The following TNRC18 variants were observed in gnomAD, a reference collection of about 807,000 sequenced individuals.
TNRC18 encodes the protein trinucleotide repeat-containing gene 18 protein.
TNRC18 carries 69 observed loss-of-function variants against 226.7 expected under a neutral mutation model. The ratio of observed to expected loss-of-function variants is 0.30; its 90% CI spans 0.25 to 0.37. The LOEUF is 0.37. Among genes scored for constraint, TNRC18 ranks in the 10% least tolerant of loss-of-function variants. TNRC18 has a pLI of 1.00. For synonymous variants in TNRC18, 2,449 were observed against 1,927.6 expected, an observed-to-expected ratio of 1.27 and a Z score of -7.09; for missense variants, 4,754 against 4,256.6, an observed-to-expected ratio of 1.12 and a Z score of -3.25.
chr7:5,310,030 G>A (rs902012991), intron 27 of TNRC18, among the ~76,000 whole-genome samples: 5 of 151,810 alleles, frequency 3.3e-5, no homozygotes, highest in African/African-American at 9.7e-5. Context: ...CTCCTCCCTC[G>A]GCCGCCTGAG....
intron 11 of TNRC18, among the ~76,000 whole-genome samples, chr7:5,368,298 C>A (rs1793809677): frequency 1.4e-5 from 2 of 144,536 alleles, no homozygotes; most frequent in South Asian, 4.6e-4. Flanking sequence ...GAAACCCCAT[C>A]TCTACTTTTT....
intron 19 of TNRC18, 125 bp from the exon 20 acceptor site, chr7:5,325,373 C>T (rs549666729): frequency 1.0e-6 from 1 of 999,526 alleles, no homozygotes; most frequent in African/African-American, 1.7e-5. Context: ...CCAGGAGGAA[C>T]AAAACACCCC....
chr7:5,371,154 C>G lies in TNRC18; in HGVS notation c.3440G>C (p.Gly1147Ala), dbSNP rs755789734. The change falls in exon 11 of 30, where the codon GGC (glycine) becomes GCC (alanine). Residue 1147 changes from glycine to alanine, a missense_variant. By Grantham distance (60) the Gly-to-Ala change is moderately conservative (BLOSUM62 0). Transcript: ENST00000430969. ...CTCAGCCAGCGGTTCTTCCTCCGGGCCCTCCCGCAGCGGCTCTGTGATCTT... is the reference window on the plus strand; with the variant it reads ...CTCAGCCAGCGGTTCTTCCTCCGGGGCCTCCCGCAGCGGCTCTGTGATCTT... Reference protein sequence around the residue: ...PSKITEPLREGPEEEPLAERE... With the variant: ...PSKITEPLREAPEEEPLAERE... The G allele has an allele frequency of 3.1e-6, 5 of 1,609,240 alleles. No homozygotes were observed. The East Asian group carries it at 1.1e-4, about 36-fold the overall frequency.
intron 2 of TNRC18, among the ~76,000 whole-genome samples, chr7:5,415,582 T>C (rs1217402832): frequency 6.6e-6 from 1 of 151,196 alleles, no homozygotes. Context: ...TGTTTCGCCA[T>C]GTTGGCCAGG....
In TNRC18 at chr7:5,313,551, C is replaced by A. The variant is rs1354665990; in HGVS notation, c.7340G>T (p.Gly2447Val). The A allele has an allele frequency of 9.3e-6, 15 of 1,608,846 alleles. No homozygotes were observed. The highest frequency in any genetic ancestry group is 1.3e-5 in the Non-Finnish European group (15 of 1,178,040). Residue 2447 changes from glycine (G) to valine (V), a missense_variant, in exon 27 of 30, where the codon GGT becomes GTT. Physicochemically the swap from Gly to Val is moderately radical, Grantham distance 109. Transcript: ENST00000430969. ...PKKARAAEES[G>V]AKGPRRPGEE... ...CCCCGGCCTCCGAGGGCCCTTGGCA[C>A]CCGACTCCTCGGCTGCCCGCGCCTT...
chr7:5,361,449 G>T (rs1467970967), intron 14 of TNRC18, 145 bp downstream of exon 14: 5 of 1,013,012 alleles, frequency 4.9e-6, no homozygotes, highest in Non-Finnish European at 6.8e-6. Context: ...CACAGGCCGT[G>T]CTCCCCGAGG....
In TNRC18 at chr7:5,307,686, C is replaced by A; in HGVS notation, c.*420G>T. ...TCCATGCTAAGGGTGCTTGGGAAGCCCAGAGTGAGCGTCAGTTTGGTTCCT... is the reference window on the plus strand; with the variant it reads ...TCCATGCTAAGGGTGCTTGGGAAGCACAGAGTGAGCGTCAGTTTGGTTCCT... On this transcript the variant is annotated 3_prime_UTR_variant, in exon 30 of 30. Coordinates refer to ENST00000430969, the MANE Select transcript of TNRC18 (RefSeq NM_001080495.3). 2 of 335,018 alleles carry A rather than the reference C, an allele frequency of 6.0e-6. No individual in the cohort carries two copies. The highest frequency in any genetic ancestry group is 2.2e-5 in the African/African-American group (1 of 46,154). The allele number at this position is 335,018 out of a possible 1,614,324, so 20.8% of individuals were successfully genotyped here.
chr7:5,389,279 G>T lies in TNRC18; in HGVS notation c.545C>A (p.Ser182Ter). 7.8e-7 allele frequency: 1 copy of T among 1,288,822 alleles called. No individual in the cohort carries two copies. The highest frequency in any genetic ancestry group is 3.1e-5 in the East Asian group (1 of 32,230). 79.8% of individuals were successfully genotyped at this position (1,288,822 alleles called of 1,614,324 possible). ...GTGGCCGCCGCCAGGGGTCCGGGCCGAGGGCGCGTGAGAGTGCAGGGAGCC... is the reference window on the plus strand; with the variant it reads ...GTGGCCGCCGCCAGGGGTCCGGGCCTAGGGCGCGTGAGAGTGCAGGGAGCC... ...APGSLHSHAP[S>*]ARTPGGGHSS... The change falls in exon 5 of 30, where the codon TCG (serine) becomes TAG (stop). Residue 182 changes from serine (S) to a stop codon, truncating the protein, a stop_gained. Coordinates refer to ENST00000430969, the MANE Select transcript of TNRC18 (RefSeq NM_001080495.3). LOFTEE classifies it high-confidence loss of function.
At chr7:5,400,037 G>A (rs1304745733) in intron 2 of TNRC18, among the ~76,000 whole-genome samples, 2 of 151,696 alleles carry the variant, frequency 1.3e-5, no homozygotes, top group African/African-American at 4.8e-5. Flanking sequence ...CTGCAGGTGT[G>A]CACCACCATG....
chr7:5,388,873 C>T lies in TNRC18; in HGVS notation c.951G>A (p.Leu317=), dbSNP rs543946415. 203 of 1,298,586 alleles carry T rather than the reference C, an allele frequency of 1.6e-4. No homozygotes were observed. In the African/African-American group the frequency reaches 2.8e-3, roughly 18 times the overall value. The allele number at this position is 1,298,586 out of a possible 1,614,324, so 80.4% of individuals were successfully genotyped here. ...EAARQDEGAR[L]LRRTETLLPG... ...GGAGCAGGGTCTCCGTGCGCCGCAG[C>T]AGCCGCGCGCCCTCGTCCTGCCGGG... is the stretch of plus-strand genomic sequence containing the variant. Residue 317 remains leucine, a synonymous_variant, in exon 5 of 30, where the codon CTG becomes CTA. Transcript: ENST00000430969.
Position 5,351,972 on chromosome 7 carries a change from C to T in TNRC18, c.5317G>A (p.Gly1773Ser). ...CCCCTCTTGGTCAGCTTGGGGCCAC[C>T]AGCTGCCTTGCTGTTCTTTGCCACC... ...SMVAKNSKAA[G>S]GPKLTKRGLA... Residue 1773 changes from glycine to serine, a missense_variant, in exon 17 of 30, where the codon GGT becomes AGT. By Grantham distance (56) the Gly-to-Ser change is moderately conservative. Coordinates refer to ENST00000430969, the MANE Select transcript of TNRC18 (RefSeq NM_001080495.3). 1.2e-6 allele frequency: 2 copies of T among 1,613,972 alleles called. No homozygotes were observed. The highest frequency in any genetic ancestry group is 1.7e-6 in the Non-Finnish European group (2 of 1,179,896).
chr7:5,420,102 T>G (rs2128225116), intron 2 of TNRC18: 2 of 288,764 alleles, frequency 6.9e-6, no homozygotes, highest in East Asian at 2.7e-4. Context: ...TCCCCGAGTC[T>G]CCTTCCCACC....
At chr7:5,372,953 G>A (rs573349296) in intron 10 of TNRC18, among the ~76,000 whole-genome samples, 27 of 152,204 alleles carry the variant, frequency 1.8e-4, no homozygotes, top group African/African-American at 6.3e-4. Flanking sequence ...GAGGTTGGGC[G>A]TTCGAGACCA....
At chr7:5,332,541 T>G (rs111514706) in intron 19 of TNRC18, 81 bp downstream of exon 19, 189 of 1,426,278 alleles carry the variant, frequency 1.3e-4, no homozygotes, top group Non-Finnish European at 1.7e-4. Context: ...GCCGCTTCCC[T>G]AGGCTGGGAG....
chr7:5,349,620 C>G (rs1031678865), intron 17 of TNRC18, among the ~76,000 whole-genome samples: 2 of 152,182 alleles, frequency 1.3e-5, no homozygotes, highest in African/African-American at 2.4e-5. Context: ...GAGCCAGGCT[C>G]GCACCCAAGC....
In TNRC18 at chr7:5,314,980, C is replaced by T. The variant is rs1272369802; in HGVS notation, c.7027+4G>A. ...GCCCTGCCCTGGGGACCAGGCCAAC[C>T]TACCACCCTTGGCCTTGGCGCTGGG... On this transcript the variant is annotated splice_donor_region_variant and intron_variant, in intron 26 of 29. Coordinates refer to ENST00000430969, the MANE Select transcript of TNRC18 (RefSeq NM_001080495.3). 6.2e-6 allele frequency: 10 copies of T among 1,605,274 alleles called. No individual in the cohort carries two copies. Among genetic ancestry groups the T allele is most frequent in the East Asian group, 2.2e-5 (1 of 44,482 alleles).
At position 5,312,430 on chromosome 7, in the gene TNRC18, T is replaced by G; in HGVS notation, c.8388+73A>C. On this transcript the variant is annotated intron_variant, in intron 27 of 29. Transcript: ENST00000430969. This position sits in a 1 kb window ranked among gnomAD's most constrained non-coding sequence, Gnocchi z 6.3. ...GGTTACCACACACGGAGACACAGCA[T>G]GAAGCCGTGGGCCCAGCAGAGAGAC... The G allele has an allele frequency of 2.6e-6, 4 of 1,548,954 alleles. No individual in the cohort carries two copies. Among genetic ancestry groups the G allele is most frequent in the Non-Finnish European group, 2.6e-6 (3 of 1,153,632 alleles).
At chr7:5,386,541 T>G (rs1229477868) in intron 5 of TNRC18, among the ~76,000 whole-genome samples, 3 of 148,570 alleles carry the variant, frequency 2.0e-5, no homozygotes, top group African/African-American at 7.5e-5. Context: ...ACCACTGTAC[T>G]CCAGTCTGGG....
At chr7:5,384,478 C>T (rs942798089) in intron 5 of TNRC18, among the ~76,000 whole-genome samples, 21 of 152,146 alleles carry the variant, frequency 1.4e-4, no homozygotes, top group African/African-American at 4.3e-4. Flanking sequence ...AACATCTCAT[C>T]CCAAACCTCT....
Sources: gnomAD v4.1 joint callset for allele counts (sites outside exome capture counted in the v4.1 genomes callset) on GRCh38, gnomAD v4.1.1 for gene constraint, Gnocchi (gnomAD v3.1) non-coding constraint, MANE v1.5 for transcripts, NCBI Gene and HGNC (gene_info 2026-07-23, HGNC 2026-07-21) for gene names.